Variants in GLIS3 observed in about 807,000 individuals in gnomAD.
GLIS3 encodes the protein zinc finger protein GLIS3.
In GLIS3, 53 loss-of-function variants were observed where a neutral mutation model predicts 78.6. That is an observed-to-expected ratio of 0.67 (90% CI 0.54 to 0.85). GLIS3 has a LOEUF of 0.85. GLIS3 is among the 40% of genes least tolerant of loss of function. The pLI, the probability that GLIS3 is intolerant of heterozygous loss-of-function variation, is 0.00. For missense variants in GLIS3, 1,703 were observed against 1,231.1 expected (o/e 1.38, Z -5.74); for synonymous variants, 684 against 509.9 (o/e 1.34, Z -4.60).
intron 2 of GLIS3, among the ~76,000 whole-genome samples, chr9:4,343,463 C>T (rs2094784): frequency 0.98 from 150,057 of 152,374 alleles, 73,928 homozygotes; most frequent in Middle Eastern, 1. Flanking sequence ...ACACTGCTGG[C>T]AGAAATGTAA....
the GLIS3 span, among the ~76,000 whole-genome samples, chr9:4,390,358 A>G: frequency 1.3e-3 from 203 of 152,048 alleles, 3 homozygotes; most frequent in East Asian, 0.033. Flanking sequence ...TATATTACGT[A>G]CTTGATAAAA....
At chr9:4,446,640 G>C in the GLIS3 span, among the ~76,000 whole-genome samples, 2 of 148,952 alleles carry the variant, frequency 1.3e-5, no homozygotes, top group Admixed American at 6.8e-5. Flanking sequence ...CTCCTAAGTA[G>C]TTGGGATTAC....
chr9:4,396,798 T>G, the GLIS3 span, among the ~76,000 whole-genome samples: 1 of 152,134 alleles, frequency 6.6e-6, no homozygotes, highest in Non-Finnish European at 1.5e-5. Flanking sequence ...ATAACTCTGT[T>G]TTAAAATTAG....
At chr9:4,416,149 G>C in the GLIS3 span, among the ~76,000 whole-genome samples, 1 of 146,116 alleles carries the variant, frequency 6.8e-6, no homozygotes, top group Non-Finnish European at 1.5e-5. Context: ...CACTTTGGGA[G>C]ATCAAGGCAA....
the GLIS3 span, among the ~76,000 whole-genome samples, chr9:4,376,264 A>G: frequency 0.022 from 3,299 of 152,280 alleles, 150 homozygotes; most frequent in African/African-American, 0.076. Flanking sequence ...GGGAAAACTT[A>G]CGAAAGAAAA....
intron 4 of GLIS3, among the ~76,000 whole-genome samples, chr9:4,090,682 G>A (rs1033049060): frequency 3.3e-5 from 5 of 152,190 alleles, no homozygotes; most frequent in African/African-American, 7.2e-5. Context: ...TGGTGGCCAC[G>A]GCATCCAGTG....
chr9:3,907,584 G>A (rs1005845735), intron 6 of GLIS3, among the ~76,000 whole-genome samples: 1 of 143,522 alleles, frequency 7.0e-6, no homozygotes, highest in Non-Finnish European at 1.5e-5. Context: ...AGAGCCAATG[G>A]CTAGCATCCT....
At chr9:4,357,883 T>C in the GLIS3 span, among the ~76,000 whole-genome samples, 2 of 152,340 alleles carry the variant, frequency 1.3e-5, no homozygotes, top group South Asian at 2.1e-4. Flanking sequence ...ACAAAGATGT[T>C]TGCTGTTAAA....
At chr9:4,425,063 T>A in the GLIS3 span, among the ~76,000 whole-genome samples, 1 of 152,100 alleles carries the variant, frequency 6.6e-6, no homozygotes, top group Non-Finnish European at 1.5e-5. Context: ...GACTGGAAGC[T>A]GAGGAGTCAT....
At chr9:3,894,908 A>T (rs575113003) in intron 7 of GLIS3, among the ~76,000 whole-genome samples, 169 of 152,194 alleles carry the variant, frequency 1.1e-3, no homozygotes, top group Non-Finnish European at 2.0e-3. Flanking sequence ...TTTCTGTGGG[A>T]CTCAAACATC....
intron 4 of GLIS3, among the ~76,000 whole-genome samples, chr9:4,017,944 T>C (rs1024043947): frequency 6.6e-6 from 1 of 152,160 alleles, no homozygotes; most frequent in African/African-American, 2.4e-5. Flanking sequence ...GTCTTTTTAA[T>C]ATGGCAACTT....
the GLIS3 span, among the ~76,000 whole-genome samples, chr9:4,398,622 T>C: frequency 3.9e-4 from 59 of 152,146 alleles, no homozygotes; most frequent in African/African-American, 1.4e-3. Context: ...TCACTCACCC[T>C]CTTCCCCTGG....
the GLIS3 span, among the ~76,000 whole-genome samples, chr9:4,436,699 T>C: frequency 6.7e-6 from 1 of 148,964 alleles, no homozygotes; most frequent in Admixed American, 6.8e-5. Flanking sequence ...CCAACTACTC[T>C]GGAGGCTGAG....
chr9:4,401,231 C>A, the GLIS3 span, among the ~76,000 whole-genome samples: 1 of 152,048 alleles, frequency 6.6e-6, no homozygotes, highest in African/African-American at 2.4e-5. Flanking sequence ...CATGAACTGA[C>A]AGAAGAGATC....
At chr9:3,842,055 A>G (rs1818751545) in intron 9 of GLIS3, among the ~76,000 whole-genome samples, 1 of 152,242 alleles carries the variant, frequency 6.6e-6, no homozygotes, top group African/African-American at 2.4e-5. Flanking sequence ...GCTGTAAGAA[A>G]GATCCGGCAG....
intron 2 of GLIS3, among the ~76,000 whole-genome samples, chr9:4,235,313 A>AAAAAG (rs1822628448): frequency 6.6e-6 from 1 of 151,562 alleles, no homozygotes; most frequent in African/African-American, 2.4e-5. Context: ...AAAAAAAAAA[A>AAAAAG]AAACTGATGG....
At chr9:4,134,446 C>T (rs1833241501) in intron 2 of GLIS3, among the ~76,000 whole-genome samples, 1 of 152,124 alleles carries the variant, frequency 6.6e-6, no homozygotes, top group Non-Finnish European at 1.5e-5. Context: ...CCTCCATACC[C>T]AGCTTGTGAA....
intron 2 of GLIS3, among the ~76,000 whole-genome samples, chr9:4,187,455 C>T (rs1358498045): frequency 1.3e-5 from 2 of 152,092 alleles, no homozygotes; most frequent in African/African-American, 2.4e-5. Context: ...GTTCTTTTGG[C>T]TTAGGATTGA....
intron 4 of GLIS3, among the ~76,000 whole-genome samples, chr9:4,115,463 G>C (rs141306181): frequency 8.8e-4 from 134 of 152,178 alleles, no homozygotes; most frequent in African/African-American, 3.1e-3. Flanking sequence ...TATGTGTGTG[G>C]ACTCCAAGAC....
Sources: allele counts gnomAD v4.1 joint callset (sites outside exome capture counted in the v4.1 genomes callset), GRCh38; gene constraint gnomAD v4.1.1; transcripts MANE v1.5; gene names NCBI Gene and HGNC (gene_info 2026-07-23, HGNC 2026-07-21).